The following TBCD variants were observed in gnomAD, a reference collection of about 807,000 sequenced individuals.
The protein encoded by TBCD is tubulin-specific chaperone D.
In TBCD, 105 loss-of-function variants were observed where a neutral mutation model predicts 169.3. The ratio of observed to expected loss-of-function variants is 0.62; its 90% CI spans 0.53 to 0.73. TBCD has a LOEUF of 0.73. Among genes scored for constraint, TBCD ranks in the 30% least tolerant of loss-of-function variants. The probability of loss-of-function intolerance (pLI) is 0.00; values close to 1 mark genes in which losing one functional copy is unlikely to be tolerated. For missense variants in TBCD, 1,444 were observed against 1,600.1 expected (o/e 0.90, Z 1.66); for synonymous variants, 700 against 643.9 (o/e 1.09, Z -1.32).
intron 13 of TBCD, among the ~76,000 whole-genome samples, chr17:82,839,449 C>G (rs916820718): frequency 5.3e-5 from 8 of 151,040 alleles, no homozygotes; most frequent in Non-Finnish European, 8.8e-5. Flanking sequence ...CATATATAAC[C>G]CTAAATTCAG....
At chr17:82,856,748 TCGCTGCG>T in intron 13 of TBCD, among the ~76,000 whole-genome samples, 1 of 148,580 alleles carries the variant, frequency 6.7e-6, no homozygotes, top group African/African-American at 2.6e-5. Context: ...GTGCGGACCC[TCGCTGCG>T]CATCCAGGGC....
At position 82,832,566 on chromosome 17, in the gene TBCD, T is replaced by G. The variant is rs3744165; in HGVS notation, c.1318+17632T>G. 776,746 of 943,716 alleles carry G rather than the reference T, an allele frequency of 0.82. 321,698 individuals are homozygous for G. Among genetic ancestry groups the G allele is most frequent in the Admixed American group, 0.91 (45,954 of 50,652 alleles). The allele number at this position is 943,716 out of a possible 1,614,324, so 58.5% of individuals were successfully genotyped here. On this transcript the variant is annotated intron_variant, in intron 13 of 38. Transcript: ENST00000355528. The surrounding 1 kb of genome is among the most constrained non-coding windows in gnomAD (Gnocchi z 4.9). ...CCTCCCGCTTTGCTTTCTTTCCCGA[T>G]CACTTCTATCAGAAGCCAGCTCTGC...
At chr17:82,846,259 T>C (rs1419064612) in intron 13 of TBCD, among the ~76,000 whole-genome samples, 1 of 145,862 alleles carries the variant, frequency 6.9e-6, no homozygotes, top group Non-Finnish European at 1.5e-5. Context: ...ACGCGCTGCG[T>C]CCTCTGTGCT....
At chr17:82,773,058 A>G (rs893937958) in intron 6 of TBCD, among the ~76,000 whole-genome samples, 1 of 152,210 alleles carries the variant, frequency 6.6e-6, no homozygotes, top group Non-Finnish European at 1.5e-5. Flanking sequence ...GGAAGAAAGC[A>G]ATATTTCTAA....
At chr17:82,817,480 A>G (rs1341866219) in intron 13 of TBCD, among the ~76,000 whole-genome samples, 2 of 152,130 alleles carry the variant, frequency 1.3e-5, no homozygotes, top group Non-Finnish European at 2.9e-5. Context: ...TATTTTTTAT[A>G]GAGATGGGGT....
intron 14 of TBCD, among the ~76,000 whole-genome samples, chr17:82,881,498 C>A (rs1413782758): frequency 6.6e-6 from 1 of 152,194 alleles, no homozygotes; most frequent in Non-Finnish European, 1.5e-5. Context: ...AGCCCCGCAC[C>A]CGCTCTGGAT....
At chr17:82,894,546 A>G (rs1044479863) in intron 17 of TBCD, among the ~76,000 whole-genome samples, 2 of 152,082 alleles carry the variant, frequency 1.3e-5, no homozygotes, top group Non-Finnish European at 1.5e-5. Context: ...AGAATTTTGA[A>G]AATGTAGCAT....
chr17:82,917,503 G>A (rs1448362361), intron 23 of TBCD, among the ~76,000 whole-genome samples: 1 of 152,000 alleles, frequency 6.6e-6, no homozygotes, highest in Non-Finnish European at 1.5e-5. Context: ...TCTGAAGGAC[G>A]GTATATCATA....
intron 5 of TBCD, among the ~76,000 whole-genome samples, chr17:82,769,019 T>C (rs1384142219): frequency 6.6e-6 from 1 of 152,242 alleles, no homozygotes; most frequent in Non-Finnish European, 1.5e-5. Context: ...GTAAATATTA[T>C]GCATATAAAC....
intron 23 of TBCD, chr17:82,913,369 T>A (rs1223372923): frequency 6.6e-6 from 1 of 152,288 alleles, no homozygotes; most frequent in Admixed American, 6.5e-5. Flanking sequence ...GCAGTAAGTC[T>A]GCACAGGAGC....
intron 34 of TBCD, 179 bp from the exon 35 acceptor site, chr17:82,937,092 G>A (rs945621672): frequency 1.2e-5 from 7 of 602,116 alleles, no homozygotes; most frequent in African/African-American, 3.7e-5. Flanking sequence ...GGACCAGGCC[G>A]GCCTGTGGAG....
In TBCD at chr17:82,882,275, G is replaced by A. The variant is rs374730308; in HGVS notation, c.1476-1870G>A. Among the ~76,000 whole-genome samples, 175 of 152,292 alleles carry A rather than the reference G, an allele frequency of 1.1e-3. 1 individual carries two copies. Among genetic ancestry groups the A allele is most frequent in the African/African-American group, 4.1e-3 (169 of 41,558 alleles). ...TGGGACCTTCCCACCTGTTTCTCCT[G>A]CCTCCTTCAGTCTGTGCCCAGCACC... On this transcript the variant is annotated intron_variant, in intron 14 of 38. Transcript: ENST00000355528.
intron 23 of TBCD, among the ~76,000 whole-genome samples, chr17:82,912,347 A>AT (rs1331055655): frequency 2.0e-5 from 3 of 152,184 alleles, no homozygotes; most frequent in East Asian, 3.8e-4. Flanking sequence ...ACAGTCGGGC[A>AT]TTTTTTCTTT....
rs2048021570 is a variant in TBCD, at chr17:82,766,445, A to C, written c.435+77A>C. 5.5e-6 allele frequency: 5 copies of C among 907,600 alleles called. No individual in the cohort carries two copies. In the South Asian group the frequency reaches 7.7e-5, roughly 14 times the overall value. 56.2% of individuals were successfully genotyped at this position (907,600 alleles called of 1,614,324 possible). ...CTCCCTGCTTGCCCCACCCTGCTGC[A>C]CCTTCCCCTTCCTGTTTCTTTCATT... On this transcript the variant is annotated intron_variant, in intron 4 of 38. Transcript: ENST00000355528.
intron 9 of TBCD, among the ~76,000 whole-genome samples, chr17:82,803,220 C>G (rs746895334): frequency 3.3e-5 from 5 of 152,184 alleles, no homozygotes; most frequent in Non-Finnish European, 4.4e-5. Flanking sequence ...TCTTTCTCAG[C>G]TCTTTTCCTC....
At chr17:82,795,537 G>A in intron 7 of TBCD, 1 of 985,632 alleles carries the variant, frequency 1.0e-6, no homozygotes, top group Non-Finnish European at 1.2e-6. Context: ...TCTCCATCCA[G>A]CTGCTGTTGG....
intron 21 of TBCD, among the ~76,000 whole-genome samples, chr17:82,909,081 A>G (rs1274470357): frequency 1.3e-5 from 2 of 152,110 alleles, no homozygotes; most frequent in African/African-American, 2.4e-5. Flanking sequence ...TTCCCCTTCA[A>G]GGGAGCTCTG....
intron 35 of TBCD, 143 bp from the exon 36 acceptor site, chr17:82,937,906 C>T (rs1383465610): frequency 2.6e-6 from 4 of 1,531,298 alleles, no homozygotes; most frequent in Non-Finnish European, 1.8e-6. Context: ...CACACACACA[C>T]CTCCGGCTTG....
chr17:82,907,981 C>T (rs1568012032), intron 21 of TBCD, among the ~76,000 whole-genome samples, 160 bp downstream of exon 21: 1 of 152,222 alleles, frequency 6.6e-6, no homozygotes, highest in Non-Finnish European at 1.5e-5. Flanking sequence ...ACTCTGGGAA[C>T]AGGCTCTCTG....
Sources: gnomAD v4.1 joint callset for allele counts (sites outside exome capture counted in the v4.1 genomes callset) on GRCh38, gnomAD v4.1.1 for gene constraint, Gnocchi (gnomAD v3.1) non-coding constraint, MANE v1.5 for transcripts, NCBI Gene and HGNC (gene_info 2026-07-23, HGNC 2026-07-21) for gene names.